The following NEGR1 variants were observed in gnomAD, a reference collection of about 807,000 sequenced individuals.
NEGR1 encodes IgLON family member 4.
Under a neutral mutation model 40.9 loss-of-function variants are expected in NEGR1, and 10 were observed. That is an observed-to-expected ratio of 0.24 (90% confidence interval 0.15 to 0.42). The LOEUF (loss-of-function observed/expected upper bound fraction) is 0.42, where lower values mean the gene tolerates loss of function less well. Among genes scored for constraint, NEGR1 ranks in the 10% least tolerant of loss-of-function variants. The pLI is 1.00. For missense variants in NEGR1, 352 were observed against 438.9 expected, an observed-to-expected ratio of 0.80 and a Z score of 1.77; for synonymous variants, 185 against 166.8, an observed-to-expected ratio of 1.11 and a Z score of -0.84.
chr1:72,179,661 TTTA>T (rs1358433512), intron 1 of NEGR1, among the ~76,000 whole-genome samples: 2 of 152,068 alleles, frequency 1.3e-5, no homozygotes, highest in Non-Finnish European at 2.9e-5. Flanking sequence ...TACTAGGCAT[TTTA>T]TTCTAATTTT....
intron 1 of NEGR1, among the ~76,000 whole-genome samples, chr1:71,967,724 T>C (rs1384255524): frequency 6.6e-6 from 1 of 152,198 alleles, no homozygotes; most frequent in Non-Finnish European, 1.5e-5. Flanking sequence ...TTATCTTTCA[T>C]TTACATGTTT....
chr1:72,106,842 A>C (rs764195542), intron 1 of NEGR1, among the ~76,000 whole-genome samples: 29 of 151,974 alleles, frequency 1.9e-4, no homozygotes, highest in Non-Finnish European at 4.0e-4. Flanking sequence ...CCTCTATATC[A>C]AAGACAAAAC....
chr1:71,976,751 T>C (rs1646308236), intron 1 of NEGR1, among the ~76,000 whole-genome samples: 1 of 152,222 alleles, frequency 6.6e-6, no homozygotes, highest in Non-Finnish European at 1.5e-5. Flanking sequence ...GAAACATTTA[T>C]TTCCAATCAC....
chr1:72,216,151 C>A (rs1195605709), intron 1 of NEGR1, among the ~76,000 whole-genome samples: 2 of 151,494 alleles, frequency 1.3e-5, no homozygotes, highest in African/African-American at 2.4e-5. Flanking sequence ...AATTGGAAGT[C>A]GTACAACGAG....
At chr1:71,989,589 T>TA (rs34534313) in intron 1 of NEGR1, among the ~76,000 whole-genome samples, 24 of 151,336 alleles carry the variant, frequency 1.6e-4, no homozygotes, top group African/African-American at 3.9e-4. Context: ...CCAAGTCCAT[T>TA]AAAAAAAAAT....
chr1:71,594,799 G>A (rs2101523948), intron 5 of NEGR1, among the ~76,000 whole-genome samples: 1 of 152,166 alleles, frequency 6.6e-6, no homozygotes, highest in East Asian at 1.9e-4. Flanking sequence ...CAGTTTCATT[G>A]CCTTGCAAGT....
At chr1:71,774,507 T>C (rs1570328422) in intron 3 of NEGR1, among the ~76,000 whole-genome samples, 1 of 152,148 alleles carries the variant, frequency 6.6e-6, no homozygotes, top group South Asian at 2.1e-4. Context: ...GTGGGTAAGA[T>C]TGATTAGACA....
intron 3 of NEGR1, among the ~76,000 whole-genome samples, chr1:71,725,869 G>A (rs553734852): frequency 1.3e-5 from 2 of 152,122 alleles, no homozygotes; most frequent in East Asian, 3.9e-4. Context: ...CTCCTCCTCA[G>A]TGATAGAAGA....
intron 1 of NEGR1, among the ~76,000 whole-genome samples, chr1:72,137,799 T>G (rs1258752921): frequency 6.6e-6 from 1 of 152,110 alleles, no homozygotes; most frequent in East Asian, 1.9e-4. Context: ...AGAAACTTTT[T>G]TAAAAGCCAG....
rs563688138 is a variant in NEGR1 at position 72,014,269 on chromosome 1, G to T, written c.177-78958C>A. Among the ~76,000 whole-genome samples, 125 of 151,922 alleles carry T rather than the reference G, an allele frequency of 8.2e-4. 2 individuals carry two copies. Among genetic ancestry groups the T allele is most frequent in the Middle Eastern group, 3.4e-3 (1 of 294 alleles). On this transcript the variant is annotated intron_variant, in intron 1 of 6. Coordinates refer to ENST00000357731, the MANE Select transcript of NEGR1 (RefSeq NM_173808.3). The stretch of plus-strand genomic sequence containing the variant: ...TCTTGATTAATAATCTTATTATTTA[G>T]AAATTATCATACTCTTCTCATTTGA...
At chr1:71,412,693 CT>C (rs1009580992) in intron 6 of NEGR1, among the ~76,000 whole-genome samples, 1 of 152,134 alleles carries the variant, frequency 6.6e-6, no homozygotes, top group Non-Finnish European at 1.5e-5. Context: ...CTATTTCTTT[CT>C]TACTACCTGC....
chr1:71,998,621 C>T (rs533597056), intron 1 of NEGR1, among the ~76,000 whole-genome samples: 25 of 151,946 alleles, frequency 1.6e-4, no homozygotes, highest in African/African-American at 5.3e-4. Context: ...ACTCATATCA[C>T]AAAGCACTGC....
chr1:71,563,202 A>G (rs543573100), intron 6 of NEGR1, among the ~76,000 whole-genome samples: 5 of 152,132 alleles, frequency 3.3e-5, no homozygotes, highest in African/African-American at 1.2e-4. Context: ...ACTACCTTTT[A>G]CTTAAGTGCA....
chr1:72,074,296 GAT>G (rs1359661801), intron 1 of NEGR1, among the ~76,000 whole-genome samples: 20 of 152,078 alleles, frequency 1.3e-4, no homozygotes, highest in South Asian at 8.3e-4. Flanking sequence ...TATAATTCAG[GAT>G]ATAGTTTTCC....
intron 3 of NEGR1, among the ~76,000 whole-genome samples, chr1:71,750,710 A>T (rs572709194): frequency 5.8e-4 from 88 of 152,270 alleles, no homozygotes; most frequent in African/African-American, 1.9e-3. Context: ...GAATGGTAGG[A>T]GGTACAATTC....
chr1:71,630,336 A>G (rs974038029), intron 4 of NEGR1, among the ~76,000 whole-genome samples: 1 of 151,998 alleles, frequency 6.6e-6, no homozygotes, highest in Non-Finnish European at 1.5e-5. Context: ...GAACAATGTT[A>G]GAAGCAAGAT....
At chr1:71,817,531 TG>T (rs2101771230) in intron 2 of NEGR1, among the ~76,000 whole-genome samples, 1 of 152,164 alleles carries the variant, frequency 6.6e-6, no homozygotes, top group Non-Finnish European at 1.5e-5. Flanking sequence ...AAATCCAATC[TG>T]GACAGTCAAT....
intron 6 of NEGR1, among the ~76,000 whole-genome samples, chr1:71,511,385 A>G (rs780164723): frequency 6.6e-6 from 1 of 152,198 alleles, no homozygotes; most frequent in Non-Finnish European, 1.5e-5. Flanking sequence ...TAGTTGACCA[A>G]CAGAACCATT....
At chr1:72,214,299 C>T (rs1653716616) in intron 1 of NEGR1, among the ~76,000 whole-genome samples, 1 of 152,036 alleles carries the variant, frequency 6.6e-6, no homozygotes, top group African/African-American at 2.4e-5. Context: ...CTTTTGAAAA[C>T]CGGCACAAGA....
Sources: gnomAD v4.1 joint callset for allele counts (sites outside exome capture counted in the v4.1 genomes callset) on GRCh38, gnomAD v4.1.1 for gene constraint, MANE v1.5 for transcripts, NCBI Gene and HGNC (gene_info 2026-07-23, HGNC 2026-07-21) for gene names.